AMBRA1: variants seen among roughly 807,000 people sequenced by gnomAD.
AMBRA1 encodes autophagy and beclin 1 regulator 1, also known as activating molecule in BECN1-regulated autophagy protein 1.
A neutral mutation model predicts 125.4 loss-of-function variants in AMBRA1; 47 were observed. The observed-to-expected ratio is 0.37, with a 90% CI of 0.30 to 0.48. The LOEUF is 0.48. Among genes scored for constraint, AMBRA1 ranks in the 20% least tolerant of loss-of-function variants. AMBRA1 has a pLI of 0.99. For missense variants in AMBRA1, 1,331 were observed against 1,693.4 expected (o/e 0.79, Z 3.76); for synonymous variants, 626 against 655.5 (o/e 0.95, Z 0.69).
At chr11:46,455,248 T>C (rs974049597) in intron 11 of AMBRA1, among the ~76,000 whole-genome samples, 10 of 152,134 alleles carry the variant, frequency 6.6e-5, no homozygotes, top group African/African-American at 2.4e-4. Context: ...AAGTTTACCA[T>C]CTTAACCATA....
chr11:46,493,083 T>G (rs987529454), intron 11 of AMBRA1, among the ~76,000 whole-genome samples: 5 of 152,100 alleles, frequency 3.3e-5, no homozygotes, highest in African/African-American at 1.2e-4. Flanking sequence ...TAAAACTGCT[T>G]CAGTGGGGCT....
intron 7 of AMBRA1, among the ~76,000 whole-genome samples, chr11:46,521,097 GGAA>G (rs912071333): frequency 9.2e-5 from 14 of 152,170 alleles, no homozygotes; most frequent in Admixed American, 5.9e-4. Flanking sequence ...AACCAGACTT[GGAA>G]GAATAAGCAA....
At chr11:46,415,361 AC>A in intron 15 of AMBRA1, among the ~76,000 whole-genome samples, 1 of 152,384 alleles carries the variant, frequency 6.6e-6, no homozygotes, top group East Asian at 1.9e-4. Context: ...TTAAAGAGTT[AC>A]AAAAGTATGT....
At chr11:46,588,723 C>T (rs991241641) in intron 1 of AMBRA1, among the ~76,000 whole-genome samples, 2 of 149,250 alleles carry the variant, frequency 1.3e-5, no homozygotes, top group Admixed American at 1.3e-4. Context: ...TGCAGTGAGC[C>T]GAGATCGCGC....
At chr11:46,545,166 G>C (rs868499550) in intron 5 of AMBRA1, among the ~76,000 whole-genome samples, 15,179 of 128,322 alleles carry the variant, frequency 0.12, 1,565 homozygotes, top group Non-Finnish European at 0.15. Context: ...AAAGCCGGGG[G>C]GGGGGGGGTG....
chr11:46,468,355 T>C (rs184537349), intron 11 of AMBRA1, among the ~76,000 whole-genome samples: 44 of 150,866 alleles, frequency 2.9e-4, no homozygotes, highest in African/African-American at 9.0e-4. Flanking sequence ...GCCTGGGCAA[T>C]ATAGTGAGAC....
chr11:46,556,505 C>T (rs1241871409), intron 1 of AMBRA1, among the ~76,000 whole-genome samples: 1 of 152,176 alleles, frequency 6.6e-6, no homozygotes, highest in African/African-American at 2.4e-5. Context: ...AAAGTGCTAA[C>T]TGGTTAACTC....
chr11:46,565,664 G>A (rs192080569), intron 1 of AMBRA1, among the ~76,000 whole-genome samples: 259 of 151,954 alleles, frequency 1.7e-3, no homozygotes, highest in African/African-American at 5.9e-3. Context: ...CTGAGATCAC[G>A]CCACCATACT....
chr11:46,550,769 G>T (rs1328793749), intron 1 of AMBRA1, among the ~76,000 whole-genome samples: 1 of 151,960 alleles, frequency 6.6e-6, no homozygotes, highest in Non-Finnish European at 1.5e-5. Context: ...CTATGGCAAG[G>T]AAGATTCTCT....
At chr11:46,462,804 T>G (rs1428363691) in intron 11 of AMBRA1, among the ~76,000 whole-genome samples, 1 of 152,006 alleles carries the variant, frequency 6.6e-6, no homozygotes, top group Non-Finnish European at 1.5e-5. Context: ...CAGGCTAAAG[T>G]GCAGTGGTGC....
intron 1 of AMBRA1, among the ~76,000 whole-genome samples, chr11:46,585,899 G>C (rs1390943868): frequency 2.0e-5 from 3 of 149,248 alleles, no homozygotes; most frequent in Non-Finnish European, 4.4e-5. Context: ...TCCGCCTCCG[G>C]GGTTCAAGCT....
intron 14 of AMBRA1, chr11:46,429,272 G>T: frequency 2.4e-6 from 2 of 833,766 alleles, no homozygotes; most frequent in Admixed American, 2.1e-5. Context: ...TCAGAAATCG[G>T]TGTGTGGGGA....
At chr11:46,534,386 T>C (rs1952367008) in intron 7 of AMBRA1, among the ~76,000 whole-genome samples, 1 of 151,914 alleles carries the variant, frequency 6.6e-6, no homozygotes, top group African/African-American at 2.4e-5. Context: ...TCCCAGCTAG[T>C]TGAGAGGCTG....
At chr11:46,587,747 C>A (rs2044454339) in intron 1 of AMBRA1, among the ~76,000 whole-genome samples, 1 of 152,180 alleles carries the variant, frequency 6.6e-6, no homozygotes, top group African/African-American at 2.4e-5. Flanking sequence ...ATACTCCCCA[C>A]TGGAATAAAC....
rs1162857231 is a variant in AMBRA1, at chr11:46,581,797, CAAAAAAAAAA to C, written c.-121+12021_-121+12030del. Among the ~76,000 whole-genome samples, 525 of 69,964 alleles carry C rather than the reference CAAAAAAAAAA, an allele frequency of 7.5e-3. 3 individuals are homozygous for C. The highest frequency in any genetic ancestry group is 0.013 in the African/African-American group (260 of 20,602). 45.9% of individuals were successfully genotyped at this position (69,964 alleles called of 152,430 possible). ...CCTGGGCTACAGAGCAAAACTCCAT[CAAAAAAAAAA>C]AAAAAAAAAAAAAATCCAAAAGCCT... On this transcript the variant is annotated intron_variant, in intron 1 of 17. Transcript: ENST00000683756.
intron 11 of AMBRA1, among the ~76,000 whole-genome samples, chr11:46,444,081 C>G (rs1349381385): frequency 6.6e-6 from 1 of 152,166 alleles, no homozygotes; most frequent in Admixed American, 6.5e-5. Flanking sequence ...TAGGACATCT[C>G]AAAAACAGGC....
intron 8 of AMBRA1, among the ~76,000 whole-genome samples, 159 bp downstream of exon 8, chr11:46,512,568 C>G (rs1951304531): frequency 6.6e-6 from 1 of 152,148 alleles, no homozygotes; most frequent in African/African-American, 2.4e-5. Flanking sequence ...CACTTACCTG[C>G]AATACTTCCC....
intron 17 of AMBRA1, 103 bp from the exon 18 acceptor site, chr11:46,398,046 G>A (rs557631766): frequency 5.0e-4 from 710 of 1,419,172 alleles, no homozygotes; most frequent in Non-Finnish European, 6.3e-4. Flanking sequence ...TTGACTAAAC[G>A]CAGGATAGAG....
intron 7 of AMBRA1, among the ~76,000 whole-genome samples, chr11:46,533,081 T>G (rs1474330662): frequency 6.6e-6 from 1 of 152,026 alleles, no homozygotes; most frequent in Non-Finnish European, 1.5e-5. Context: ...GAGAATCGCT[T>G]GAGCCCCAGA....
Sources: gnomAD v4.1 joint callset for allele counts (sites outside exome capture counted in the v4.1 genomes callset) on GRCh38, gnomAD v4.1.1 for gene constraint, MANE v1.5 for transcripts, NCBI Gene and HGNC (gene_info 2026-07-23, HGNC 2026-07-21) for gene names.